The following CMTM4 variants were observed in gnomAD, a reference collection of about 807,000 sequenced individuals.
The protein encoded by CMTM4 is CKLF like MARVEL transmembrane domain containing 4.
Under a neutral mutation model 19.0 loss-of-function variants are expected in CMTM4, and 8 were observed. That is an observed-to-expected ratio of 0.42 (90% CI 0.25 to 0.76). The LOEUF is 0.76. CMTM4 is among the 30% of genes least tolerant of loss of function. The pLI, the probability that CMTM4 is intolerant of heterozygous loss-of-function variation, is 0.27. For synonymous variants in CMTM4, 106 were observed against 121.1 expected (o/e 0.88, Z 0.82); for missense variants, 228 against 290.2 (o/e 0.79, Z 1.56).
At chr16:66,646,144 C>A (rs1331935944) in intron 1 of CMTM4, among the ~76,000 whole-genome samples, 1 of 151,994 alleles carries the variant, frequency 6.6e-6, no homozygotes, top group Non-Finnish European at 1.5e-5. Context: ...GCACACAAGG[C>A]ATAAAGTGAC....
chr16:66,609,395 A>G, the CMTM4 span: 8 of 1,575,854 alleles, frequency 5.1e-6, no homozygotes, highest in Non-Finnish European at 6.9e-6. This position sits in a 1 kb window ranked among gnomAD's most constrained non-coding sequence, Gnocchi z 4.4. Context: ...TGCTGTGCTC[A>G]GCTCCAGGGG....
intron 1 of CMTM4, among the ~76,000 whole-genome samples, chr16:66,674,490 G>T (rs571323960): frequency 1.1e-4 from 17 of 152,220 alleles, no homozygotes; most frequent in African/African-American, 4.1e-4. Context: ...ATCTGCATTA[G>T]TCTCTACTGC....
intron 1 of CMTM4, among the ~76,000 whole-genome samples, chr16:66,690,327 T>C (rs747326319): frequency 6.6e-6 from 1 of 152,222 alleles, no homozygotes; most frequent in Non-Finnish European, 1.5e-5. Context: ...GCCTGGTCAT[T>C]TGACCAGCTC....
intron 1 of CMTM4, among the ~76,000 whole-genome samples, chr16:66,690,099 A>G (rs544522973): frequency 6.6e-6 from 1 of 152,340 alleles, no homozygotes; most frequent in Non-Finnish European, 1.5e-5. Context: ...ACTCCTAAAG[A>G]TAACAATCTT....
Position 66,628,571 on chromosome 16 carries a change from T to C in CMTM4, c.364-5069A>G, listed in dbSNP as rs532250028. ...TTAAACCTTGATTCCATACAACACA[T>C]GTTTTTGTGAGCTCAAGGTTGGGGC... On this transcript the variant is annotated intron_variant, in intron 2 of 3. Coordinates refer to ENST00000394106, the MANE Select transcript of CMTM4 (RefSeq NM_181521.3). Among the ~76,000 whole-genome samples the C allele has an allele frequency of 4.6e-5, 7 of 150,806 alleles. No individual in the cohort carries two copies. The East Asian group carries it at 1.3e-3, about 29-fold the overall frequency.
At chr16:66,640,169 C>T (rs1038609290) in intron 1 of CMTM4, among the ~76,000 whole-genome samples, 1 of 151,906 alleles carries the variant, frequency 6.6e-6, no homozygotes, top group Admixed American at 6.5e-5. Flanking sequence ...GGCATGGTGG[C>T]GCACGCCTGT....
chr16:66,632,319 G>C (rs1175755939), intron 2 of CMTM4, among the ~76,000 whole-genome samples: 1 of 152,206 alleles, frequency 6.6e-6, no homozygotes, highest in Non-Finnish European at 1.5e-5. Context: ...TGCCAGACTG[G>C]AGTGGGCTGA....
chr16:66,612,084 C>T (rs165055), downstream of CMTM4, among the ~76,000 whole-genome samples: 7,600 of 152,206 alleles, frequency 0.05, 296 homozygotes, highest in Admixed American at 0.11. This position sits in a 1 kb window ranked among gnomAD's most constrained non-coding sequence, Gnocchi z 6.0. Context: ...GGTGGAAACA[C>T]CCCCACCTGC....
intron 1 of CMTM4, among the ~76,000 whole-genome samples, chr16:66,666,721 A>G (rs2016600574): frequency 6.6e-6 from 1 of 152,212 alleles, no homozygotes; most frequent in Admixed American, 6.5e-5. Context: ...ACCTATTAGA[A>G]TGTTACAATG....
Position 66,617,097 on chromosome 16 carries a change from G to GCT in CMTM4, c.*4960_*4961insAG, listed in dbSNP as rs202108859. ...TTAAAAGTTTCAATAGCTCCCTGGG[G>GCT]GTCCAAGCCAAAGGCTCCCTGGCCT... On this transcript the variant is annotated 3_prime_UTR_variant, in exon 4 of 4. Coordinates refer to ENST00000394106, the MANE Select transcript of CMTM4 (RefSeq NM_181521.3). 44 of 536,218 alleles carry GCT rather than the reference G, an allele frequency of 8.2e-5. No individual in the cohort carries two copies. The East Asian group carries it at 1.4e-3, about 17-fold the overall frequency. The allele number at this position is 536,218 out of a possible 1,614,324, so 33.2% of individuals were successfully genotyped here.
At chr16:66,604,737 T>A in the CMTM4 span, 1 of 1,165,620 alleles carries the variant, frequency 8.6e-7, no homozygotes, top group Non-Finnish European at 1.1e-6. Context: ...ACAGCCCGGG[T>A]TTCCGCTTCC....
intron 1 of CMTM4, among the ~76,000 whole-genome samples, chr16:66,643,075 C>A (rs2016126702): frequency 6.6e-6 from 1 of 152,096 alleles, no homozygotes; most frequent in Non-Finnish European, 1.5e-5. Context: ...CACCTGCCAC[C>A]AAGGCCGGCT....
chr16:66,651,128 C>A (rs936884702), intron 1 of CMTM4, among the ~76,000 whole-genome samples: 3 of 152,156 alleles, frequency 2.0e-5, no homozygotes, highest in African/African-American at 7.2e-5. Flanking sequence ...CCAGAGGGGG[C>A]AGCAGAGAGC....
At chr16:66,678,324 GGA>G (rs768712952) in intron 1 of CMTM4, among the ~76,000 whole-genome samples, 7 of 152,124 alleles carry the variant, frequency 4.6e-5, no homozygotes, top group Non-Finnish European at 8.8e-5. Context: ...CAGAGGAAAG[GGA>G]GAGAAAGAAA....
intron 1 of CMTM4, among the ~76,000 whole-genome samples, chr16:66,669,949 T>G (rs1388193188): frequency 1.3e-5 from 2 of 152,184 alleles, no homozygotes; most frequent in African/African-American, 4.8e-5. Context: ...GCCTTAACTA[T>G]TTGTTTTAGA....
intron 1 of CMTM4, among the ~76,000 whole-genome samples, chr16:66,691,663 T>C (rs2017137678): frequency 6.6e-6 from 1 of 152,332 alleles, no homozygotes; most frequent in Admixed American, 6.5e-5. Flanking sequence ...ATTGTACCAC[T>C]GCACTCCAGC....
intron 1 of CMTM4, among the ~76,000 whole-genome samples, chr16:66,693,945 C>T (rs1325845601): frequency 1.3e-5 from 2 of 151,872 alleles, no homozygotes; most frequent in Non-Finnish European, 2.9e-5. Flanking sequence ...TCTCTTGAGC[C>T]CAGGTGGCGG....
In CMTM4 at chr16:66,676,185, C is replaced by T. The variant is rs2144892217; in HGVS notation, c.186+20155G>A. Among the ~76,000 whole-genome samples, 3 of 152,292 alleles carry T rather than the reference C, an allele frequency of 2.0e-5. No homozygotes were observed. In the South Asian group the frequency reaches 6.2e-4, roughly 32 times the overall value. On this transcript the variant is annotated intron_variant, in intron 1 of 3. Coordinates refer to ENST00000394106, the MANE Select transcript of CMTM4 (RefSeq NM_181521.3). ...TTTGGGGCTCTCAGTCAATTAATTG[C>T]CTGCCCCAGTACATTCACTTGGGCA...
chr16:66,676,869 T>G (rs1442689855), intron 1 of CMTM4, among the ~76,000 whole-genome samples: 2 of 152,184 alleles, frequency 1.3e-5, no homozygotes, highest in Non-Finnish European at 2.9e-5. Context: ...ATTATCCAAA[T>G]CTGTTCAGAA....
Sources: allele counts gnomAD v4.1 joint callset (sites outside exome capture counted in the v4.1 genomes callset), GRCh38; gene constraint gnomAD v4.1.1; non-coding constraint Gnocchi (gnomAD v3.1); transcripts MANE v1.5; gene names NCBI Gene and HGNC (gene_info 2026-07-23, HGNC 2026-07-21).